The following ZNF44 variants were observed in gnomAD, a reference collection of about 807,000 sequenced individuals.
ZNF44 encodes gonadotropin inducible transcription repressor-2.
A neutral mutation model predicts 11.7 loss-of-function variants in ZNF44; 9 were observed. The ratio of observed to expected loss-of-function variants is 0.77; its 90% CI spans 0.46 to 1.35. The LOEUF (loss-of-function observed/expected upper bound fraction) is 1.35. ZNF44 is among the 40% of genes most tolerant of loss of function. The pLI, the probability that ZNF44 is intolerant of heterozygous loss-of-function variation, is 0.00. For synonymous variants in ZNF44, 224 were observed against 242.7 expected (o/e 0.92, Z 0.72); for missense variants, 696 against 743.1 (o/e 0.94, Z 0.74).
At chr19:12,268,173 CACACACACA>C (rs899901586), downstream of ZNF44, among the ~76,000 whole-genome samples, 17 of 142,928 alleles carry the variant, frequency 1.2e-4, no homozygotes, top group African/African-American at 3.7e-4. Context: ...CACACACACA[CACACACACA>C]AGCTCCTTCC....
rs372118842 is a variant in ZNF44 at position 12,273,766 on chromosome 19, G to T, written c.489C>A (p.His163Gln). The T allele has an allele frequency of 1.9e-6, 3 of 1,614,064 alleles. No homozygotes were observed. In the African/African-American group the frequency reaches 4.0e-5, roughly 22 times the overall value. ...RHSFQTCERP[H>Q]TGKKPYDCKE... Reference sequence around the variant, plus strand: ...TACAATCATAGGGTTTCTTTCCAGTGTGAGGCCTTTCACATGTTTGAAAGG... The same window carrying T: ...TACAATCATAGGGTTTCTTTCCAGTTTGAGGCCTTTCACATGTTTGAAAGG... Residue 163 changes from histidine (H) to glutamine (Q), a missense_variant, in exon 4 of 4, where the codon CAC becomes CAA. By Grantham distance (24) the His-to-Gln change is conservative. Transcript: ENST00000355684.
At chr19:12,294,133 G>C (rs1473593030) in intron 1 of ZNF44, among the ~76,000 whole-genome samples, 2 of 152,144 alleles carry the variant, frequency 1.3e-5, no homozygotes, top group African/African-American at 4.8e-5. Flanking sequence ...CAGCGGAAAG[G>C]CTGGCGCCAA....
upstream of ZNF44, among the ~76,000 whole-genome samples, chr19:12,239,676 C>T (rs906710487): frequency 6.7e-5 from 10 of 148,462 alleles, no homozygotes; most frequent in East Asian, 8.0e-4. Flanking sequence ...CCTGTTCAAG[C>T]GATTCTCCTG....
In ZNF44 at chr19:12,281,665, C is replaced by T. The variant is rs572714909; in HGVS notation, c.4-5583G>A. On this transcript the variant is annotated intron_variant, in intron 1 of 3. Coordinates refer to ENST00000355684, the MANE Select transcript of ZNF44 (RefSeq NM_016264.4). The stretch of plus-strand genomic sequence containing the variant: ...TGGAAACATCATTAAAATTCATAAG[C>T]CCATAGCCAAGTTAACTCAGAAAAA... Among the ~76,000 whole-genome samples, 15 of 152,168 alleles carry T rather than the reference C, an allele frequency of 9.9e-5. No individual in the cohort carries two copies. The South Asian group carries it at 3.1e-3, about 32-fold the overall frequency.
At chr19:12,283,766 G>C (rs896901789) in intron 1 of ZNF44, among the ~76,000 whole-genome samples, 14 of 152,182 alleles carry the variant, frequency 9.2e-5, no homozygotes, top group Non-Finnish European at 1.8e-4. Flanking sequence ...TATAATCCCA[G>C]TACTGTGGGA....
At chr19:12,247,456 T>G, downstream of ZNF44, 1 of 1,333,794 alleles carries the variant, frequency 7.5e-7, no homozygotes, top group South Asian at 1.2e-5. Flanking sequence ...TTCTCTCCAG[T>G]ATGAATTCGT....
intron 3 of ZNF44, among the ~76,000 whole-genome samples, chr19:12,228,135 C>T (rs908798224): frequency 1.3e-5 from 2 of 151,954 alleles, no homozygotes; most frequent in African/African-American, 4.8e-5. Flanking sequence ...TACAATTAAC[C>T]TGCCAAAACG....
intron 5 of ZNF44, among the ~76,000 whole-genome samples, chr19:12,262,268 C>A (rs908741196): frequency 6.6e-6 from 1 of 151,972 alleles, no homozygotes; most frequent in Admixed American, 6.6e-5. Flanking sequence ...ATTCATTTTT[C>A]TTTTTCTTTT....
intron 5 of ZNF44, among the ~76,000 whole-genome samples, chr19:12,253,951 C>T (rs1257870504): frequency 6.6e-6 from 1 of 152,136 alleles, no homozygotes; most frequent in Non-Finnish European, 1.5e-5. Flanking sequence ...TGCACTCCAG[C>T]CTGGGTGACA....
upstream of ZNF44, chr19:12,237,838 ATTTAAGAAAAAC>A (rs1204506219): frequency 7.8e-6 from 1 of 128,106 alleles, no homozygotes; most frequent in Non-Finnish European, 1.6e-5. Context: ...GGACATTTGC[ATTTAAGAAAAAC>A]TTGGCTCCAG....
intron 1 of ZNF44, among the ~76,000 whole-genome samples, chr19:12,293,852 C>G (rs980967645): frequency 2.6e-5 from 4 of 152,094 alleles, no homozygotes; most frequent in South Asian, 2.1e-4. Context: ...ACACACAAAC[C>G]CCACACACGA....
intron 1 of ZNF44, chr19:12,291,022 A>G (rs1967987150): frequency 8.0e-6 from 2 of 251,490 alleles, no homozygotes; most frequent in Non-Finnish European, 1.6e-5. Flanking sequence ...ACAGGAGGGA[A>G]GGAAATTGTA....
intron 1 of ZNF44, among the ~76,000 whole-genome samples, chr19:12,288,770 A>AT (rs1967864155): frequency 2.5e-5 from 2 of 79,352 alleles, no homozygotes; most frequent in African/African-American, 9.5e-5. Context: ...AAAAAAAAAA[A>AT]AATGTATATA....
At chr19:12,250,245 T>C (rs1288646938) in exon 6 of ZNF44, 4 of 1,360,800 alleles carry the variant, frequency 2.9e-6, no homozygotes, top group Admixed American at 2.0e-5. Flanking sequence ...TTTTTACCTA[T>C]AGTGGCCAGG....
At chr19:12,256,475 C>T (rs1828937) in intron 5 of ZNF44, among the ~76,000 whole-genome samples, 8,533 of 151,910 alleles carry the variant, frequency 0.056, 806 homozygotes, top group African/African-American at 0.2. Flanking sequence ...ACAGAGAGAT[C>T]CTGTCTCAAA....
chr19:12,281,078 C>T (rs576109153), intron 1 of ZNF44, among the ~76,000 whole-genome samples: 3 of 152,236 alleles, frequency 2.0e-5, no homozygotes, highest in East Asian at 3.9e-4. Context: ...CTGAACTCAA[C>T]AGCACTATCA....
intron 5 of ZNF44, chr19:12,260,478 T>C (rs879106303): frequency 3.1e-5 from 41 of 1,326,568 alleles, no homozygotes; most frequent in Middle Eastern, 2.6e-4. Context: ...CGCCATCCTG[T>C]GCAGCCAGAA....
chr19:12,256,060 A>C (rs957117443), intron 5 of ZNF44, among the ~76,000 whole-genome samples: 5 of 148,290 alleles, frequency 3.4e-5, no homozygotes, highest in Admixed American at 6.7e-5. Flanking sequence ...AAAAAAAAAA[A>C]AAAACAGCCT....
At chr19:12,249,281 G>A (rs1225853681) in intron 7 of ZNF44, among the ~76,000 whole-genome samples, 45 of 151,270 alleles carry the variant, frequency 3.0e-4, no homozygotes, top group Non-Finnish European at 1.2e-4. Context: ...CGAGGCGGGC[G>A]GATCACAAGG....
Sources: allele counts gnomAD v4.1 joint callset (sites outside exome capture counted in the v4.1 genomes callset), GRCh38; gene constraint gnomAD v4.1.1; transcripts MANE v1.5; gene names NCBI Gene and HGNC (gene_info 2026-07-23, HGNC 2026-07-21).